Variants in TM4SF1 observed in about 807,000 individuals in gnomAD.
TM4SF1 encodes transmembrane 4 L6 family member 1.
Under a neutral mutation model 24.5 loss-of-function variants are expected in TM4SF1, and 20 were observed. The observed-to-expected ratio is 0.82, with a 90% CI of 0.57 to 1.19. The LOEUF (loss-of-function observed/expected upper bound fraction) is 1.19. TM4SF1 is among the 50% of genes most tolerant of loss of function. The pLI is 0.00. For synonymous variants in TM4SF1, 107 were observed against 95.4 expected (o/e 1.12, Z -0.71); for missense variants, 258 against 248.1 (o/e 1.04, Z -0.27).
chr3:149,373,168 G>A (rs945094595), intron 3 of TM4SF1, among the ~76,000 whole-genome samples: 9 of 152,172 alleles, frequency 5.9e-5, no homozygotes, highest in African/African-American at 2.2e-4. Flanking sequence ...AACAGTATCT[G>A]ACACACAATA....
rs780819230 is a variant in TM4SF1, at chr3:149,371,822, C to T, written c.459G>A (p.Lys153=). The T allele has an allele frequency of 2.5e-6, 4 of 1,613,964 alleles. No individual in the cohort carries two copies. The highest frequency in any genetic ancestry group is 3.3e-5 in the Admixed American group (2 of 59,966). The change falls in exon 4 of 5, where the codon AAG becomes AAA. Residue 153 remains lysine (K), a synonymous_variant. Transcript: ENST00000305366. ...GAGATACATTCCATTCCACAATGTGCTTGGGTTCAGTGCACTCGGACCATG... is the reference window on the plus strand; with the variant it reads ...GAGATACATTCCATTCCACAATGTGTTTGGGTTCAGTGCACTCGGACCATG... ...TSTWSECTEP[K]HIVEWNVSLF... is the part of the protein sequence containing the mutation.
intron 3 of TM4SF1, among the ~76,000 whole-genome samples, chr3:149,373,866 T>C: frequency 6.6e-6 from 1 of 152,216 alleles, no homozygotes; most frequent in East Asian, 1.9e-4. Context: ...CTCCCTGCAT[T>C]CTGGTTGCAT....
At chr3:149,371,460 GTACA>G (rs980421941) in intron 4 of TM4SF1, 166 of 607,116 alleles carry the variant, frequency 2.7e-4, no homozygotes, top group Middle Eastern at 8.7e-4. Context: ...ATGTTCTTGT[GTACA>G]TAGAGCCAAC....
intron 4 of TM4SF1, chr3:149,370,530 A>G (rs545081106): frequency 1.3e-5 from 2 of 152,376 alleles, no homozygotes; most frequent in East Asian, 3.9e-4. Context: ...TCTGCCTTGT[A>G]TGAAATTCAA....
chr3:149,370,486 G>C (rs543118978), intron 4 of TM4SF1: 1 of 152,336 alleles, frequency 6.6e-6, no homozygotes, highest in East Asian at 1.9e-4. Context: ...TACTAAGTGA[G>C]TACATTTAGT....
chr3:149,377,264 AG>A (rs1731977125), intron 1 of TM4SF1, 106 bp downstream of exon 1: 1 of 1,397,340 alleles, frequency 7.2e-7, no homozygotes, highest in Admixed American at 2.5e-5. Context: ...GCAACAAAAA[AG>A]TCACTTGATT....
chr3:149,374,616 T>C (rs1253058860), intron 3 of TM4SF1, among the ~76,000 whole-genome samples: 4 of 152,178 alleles, frequency 2.6e-5, no homozygotes, highest in African/African-American at 7.2e-5. Context: ...GCACAAATTA[T>C]CCTGATATTA....
chr3:149,375,103 G>A (rs921852747), intron 3 of TM4SF1, among the ~76,000 whole-genome samples: 1 of 152,138 alleles, frequency 6.6e-6, no homozygotes. Flanking sequence ...TATTTGGGAA[G>A]CTGAGGAAGG....
At chr3:149,371,650 C>T (rs1161743902) in intron 4 of TM4SF1, 37 bp downstream of exon 4, 3 of 1,612,450 alleles carry the variant, frequency 1.9e-6, no homozygotes, top group East Asian at 4.5e-5. Flanking sequence ...ATATTAACAC[C>T]AGGGCCAGAC....
Position 149,377,537 on chromosome 3 carries a change from C to G in TM4SF1, c.11G>C (p.Gly4Ala), listed in dbSNP as rs1731991186. 1.9e-6 allele frequency: 3 copies of G among 1,612,922 alleles called. No homozygotes were observed. The highest frequency in any genetic ancestry group is 3.3e-5 in the Admixed American group (2 of 59,934). MCYGKCARCIGHSL... is the reference protein window; with the variant it reads MCYAKCARCIGHSL... ...ATGTCCGATGCATCGTGCACACTTC[C>G]CATAGCACATGGTGGTCTGCTAGGT... Residue 4 changes from glycine to alanine, a missense_variant, in exon 1 of 5, where the codon GGG becomes GCG. Coordinates refer to ENST00000305366, the MANE Select transcript of TM4SF1 (RefSeq NM_014220.3).
rs1444651030 is a variant in TM4SF1 at position 149,377,440 on chromosome 3, CT to C, written c.107del (p.Lys36SerfsTer19). The C allele has an allele frequency of 7.4e-6, 12 of 1,613,998 alleles. No individual in the cohort carries two copies. The highest frequency in any genetic ancestry group is 2.7e-5 in the African/African-American group (2 of 74,918). On this transcript the variant is annotated frameshift_variant, in exon 1 of 5. Coordinates refer to ENST00000305366, the MANE Select transcript of TM4SF1 (RefSeq NM_014220.3). LOFTEE classifies it high-confidence loss of function. ...GGCTGAGGTGGTTTTCGGAGGCATA[CT>C]TTGTTTCCCCATTGGGAAAGTAAAG... ...ILLYFPNGET[K>X]YASENHLSRF... is the part of the protein sequence containing the mutation.
In TM4SF1 at chr3:149,375,685, A is replaced by G; in HGVS notation, c.262T>C (p.Cys88Arg). ...CCGHENCGKR[C>R]AMLSSVLAAL... is the part of the protein sequence containing the mutation. ...ACCAGGGCAGGAGGACCTACCGCAC[A>G]TCGTTTGCCACAGTTTTCATGGCCA... The change falls in exon 2 of 5, where the codon TGT (cysteine) becomes CGT (arginine). Residue 88 changes from cysteine (C) to arginine (R), a missense_variant. Cys to Arg is a radical substitution (Grantham distance 180, BLOSUM62 -3). Transcript: ENST00000305366. 2 of 1,614,208 alleles carry G rather than the reference A, an allele frequency of 1.2e-6. No individual in the cohort carries two copies. Among genetic ancestry groups the G allele is most frequent in the Non-Finnish European group, 1.7e-6 (2 of 1,180,032 alleles).
intron 4 of TM4SF1, chr3:149,370,158 A>C: frequency 3.2e-6 from 1 of 312,938 alleles, no homozygotes; most frequent in Non-Finnish European, 5.8e-6. Flanking sequence ...TGGGGTTTTA[A>C]TCTTAGGGAT....
chr3:149,369,806 G>A lies in TM4SF1; in HGVS notation c.*60C>T. On this transcript the variant is annotated 3_prime_UTR_variant, in exon 5 of 5. Coordinates refer to ENST00000305366, the MANE Select transcript of TM4SF1 (RefSeq NM_014220.3). ...CAAAGTTTTACAAATGAATACAAGT[G>A]AAATATATAAATTACAATGAAATAG... The A allele has an allele frequency of 6.2e-7, 1 of 1,604,684 alleles. No individual in the cohort carries two copies. The highest frequency in any genetic ancestry group is 8.5e-7 in the Non-Finnish European group (1 of 1,175,984).
rs778713998 is a variant in TM4SF1 at position 149,369,785 on chromosome 3, G to A, written c.*81C>T. ...GGGGAGTATGTTACACTAATACAAAGTTTTACAAATGAATACAAGTGAAAT... is the reference window on the plus strand; with the variant it reads ...GGGGAGTATGTTACACTAATACAAAATTTTACAAATGAATACAAGTGAAAT... On this transcript the variant is annotated 3_prime_UTR_variant, in exon 5 of 5. Transcript: ENST00000305366. 16 of 1,586,546 alleles carry A rather than the reference G, an allele frequency of 1.0e-5. No individual in the cohort carries two copies. The highest frequency in any genetic ancestry group is 1.4e-5 in the African/African-American group (1 of 73,778).
intron 3 of TM4SF1, among the ~76,000 whole-genome samples, chr3:149,372,255 C>T (rs1576848184): frequency 1.3e-5 from 2 of 152,018 alleles, no homozygotes; most frequent in African/African-American, 2.4e-5. Flanking sequence ...CGAGCAAATG[C>T]GGAAAAATGA....
intron 1 of TM4SF1, among the ~76,000 whole-genome samples, chr3:149,375,997 T>C (rs570455305): frequency 6.6e-6 from 1 of 152,316 alleles, no homozygotes; most frequent in East Asian, 1.9e-4. Context: ...GGTGAGGATG[T>C]AACATGGGAG....
intron 2 of TM4SF1, 45 bp from the exon 3 acceptor site, chr3:149,375,633 A>G (rs1478263680): frequency 6.2e-7 from 1 of 1,614,086 alleles, no homozygotes; most frequent in Non-Finnish European, 8.5e-7. Flanking sequence ...AGAGTGCCAC[A>G]GCTACATCTT....
chr3:149,371,458 G>C (rs1731818400), intron 4 of TM4SF1: 1 of 605,882 alleles, frequency 1.7e-6, no homozygotes, highest in Non-Finnish European at 2.9e-6. Context: ...GCATGTTCTT[G>C]TGTACATAGA....
Sources: allele counts gnomAD v4.1 joint callset (sites outside exome capture counted in the v4.1 genomes callset), GRCh38; gene constraint gnomAD v4.1.1; transcripts MANE v1.5; gene names NCBI Gene and HGNC (gene_info 2026-07-23, HGNC 2026-07-21).